PLCG2: variants seen among roughly 807,000 people sequenced by gnomAD.
PLCG2 encodes the protein 1-phosphatidylinositol 4,5-bisphosphate phosphodiesterase gamma-2.
Under a neutral mutation model 175.6 loss-of-function variants are expected in PLCG2, and 69 were observed. That is an observed-to-expected ratio of 0.39 (90% CI 0.32 to 0.48). The LOEUF (loss-of-function observed/expected upper bound fraction) is 0.48. Among genes scored for constraint, PLCG2 ranks in the 20% least tolerant of loss-of-function variants. PLCG2 has a pLI of 0.91. For synonymous variants in PLCG2, 827 were observed against 624.0 expected, an observed-to-expected ratio of 1.33 and a Z score of -4.85; for missense variants, 1,798 against 1,650.9, an observed-to-expected ratio of 1.09 and a Z score of -1.54.
chr16:81,752,200 A>G (rs1909826259), intron 1 of PLCG2, among the ~76,000 whole-genome samples: 1 of 152,078 alleles, frequency 6.6e-6, no homozygotes, highest in Admixed American at 6.6e-5. Context: ...TGCGTCTCAG[A>G]GTTCCCTGAT....
Position 81,962,645 on chromosome 16 carries a change from C to A in PLCG2, c.*4647C>A. 4.5e-6 allele frequency: 1 copy of A among 221,128 alleles called. No homozygotes were observed. Among genetic ancestry groups the A allele is most frequent in the Non-Finnish European group, 9.0e-6 (1 of 110,500 alleles). 13.7% of individuals were successfully genotyped at this position (221,128 alleles called of 1,614,324 possible). A position where few individuals can be genotyped will look rare whatever the true frequency, so the allele number is the denominator to read the frequency against. On this transcript the variant is annotated 3_prime_UTR_variant, in exon 33 of 33. Coordinates refer to ENST00000564138, the MANE Select transcript of PLCG2 (RefSeq NM_002661.5). Reference sequence around the variant, plus strand: ...TGTTGTTAATGTGAAAATTAAACAGCTGTATCACATTTTGAAAAATAAAAG... The same window carrying A: ...TGTTGTTAATGTGAAAATTAAACAGATGTATCACATTTTGAAAAATAAAAG...
intron 25 of PLCG2, 65 bp downstream of exon 25, chr16:81,931,719 G>T: frequency 6.8e-7 from 1 of 1,465,266 alleles, no homozygotes; most frequent in Non-Finnish European, 9.5e-7. Context: ...GCTCAGTTGG[G>T]ACTGTGGGTG....
intron 31 of PLCG2, among the ~76,000 whole-genome samples, chr16:81,951,074 A>C (rs1461651904): frequency 1.3e-5 from 2 of 152,032 alleles, no homozygotes; most frequent in African/African-American, 4.8e-5. Flanking sequence ...TGCAGCCTTG[A>C]CCTCCTGGGC....
chr16:81,819,369 A>G (rs1597336237), intron 2 of PLCG2, among the ~76,000 whole-genome samples: 1 of 151,946 alleles, frequency 6.6e-6, no homozygotes, highest in African/African-American at 2.4e-5. Flanking sequence ...TCTGGTACCA[A>G]CCCTGTGAGG....
chr16:81,953,597 C>T (rs1279521880), intron 31 of PLCG2, among the ~76,000 whole-genome samples: 1 of 152,108 alleles, frequency 6.6e-6, no homozygotes, highest in Non-Finnish European at 1.5e-5. Context: ...TCTAATAAAA[C>T]AAACTAAATT....
At chr16:81,806,855 G>A (rs1048764954) in intron 2 of PLCG2, among the ~76,000 whole-genome samples, 1 of 151,882 alleles carries the variant, frequency 6.6e-6, no homozygotes, top group Non-Finnish European at 1.5e-5. Flanking sequence ...ATGTTCTGGG[G>A]ATAGCCAGCC....
At chr16:81,763,495 G>T (rs999093108) in intron 2 of PLCG2, among the ~76,000 whole-genome samples, 2 of 152,360 alleles carry the variant, frequency 1.3e-5, no homozygotes, top group East Asian at 1.9e-4. Context: ...GGGCTGGGAA[G>T]ATGTGAGCAG....
chr16:81,789,297 C>T (rs1413959289), intron 2 of PLCG2, among the ~76,000 whole-genome samples: 1 of 152,198 alleles, frequency 6.6e-6, no homozygotes, highest in Non-Finnish European at 1.5e-5. Context: ...CGCTCTCTCG[C>T]TCTCTGTTTT....
chr16:81,927,303 G>A, intron 23 of PLCG2, 125 bp downstream of exon 23: 3 of 684,310 alleles, frequency 4.4e-6, no homozygotes, highest in Admixed American at 2.2e-5. Context: ...TGGAGCTCTG[G>A]ATCAGGGAAG....
intron 15 of PLCG2, chr16:81,906,423 T>C (rs1183644664): frequency 6.6e-6 from 1 of 152,228 alleles, no homozygotes; most frequent in Non-Finnish European, 1.5e-5. Context: ...GCAATATTTA[T>C]TTATTACTTA....
intron 13 of PLCG2, among the ~76,000 whole-genome samples, chr16:81,897,001 G>T (rs72820823): frequency 0.048 from 7,384 of 152,298 alleles, 226 homozygotes; most frequent in Non-Finnish European, 0.067. Flanking sequence ...AGATACAAAT[G>T]TTTCAGGCTT....
chr16:81,851,436 G>A (rs539387272), intron 2 of PLCG2, among the ~76,000 whole-genome samples: 17 of 152,228 alleles, frequency 1.1e-4, no homozygotes, highest in Admixed American at 1.0e-3. Flanking sequence ...CGTGTAGGTG[G>A]GTATGTCTAC....
At position 81,960,411 on chromosome 16, in the gene PLCG2, C is replaced by A. The variant is rs1911739859; in HGVS notation, c.*2413C>A. 8.9e-6 allele frequency: 2 copies of A among 225,294 alleles called. No individual in the cohort carries two copies. The highest frequency in any genetic ancestry group is 1.8e-5 in the Non-Finnish European group (2 of 113,194). The allele number at this position is 225,294 out of a possible 1,614,324, so 14.0% of individuals were successfully genotyped here. ...CAGCACTGATAGATCAAAACCACCACTGCATATGTATTACACTGTTTTTGT... is the reference window on the plus strand; with the variant it reads ...CAGCACTGATAGATCAAAACCACCAATGCATATGTATTACACTGTTTTTGT... On this transcript the variant is annotated 3_prime_UTR_variant, in exon 33 of 33. Transcript: ENST00000564138.
chr16:81,827,192 T>TC (rs202120968), intron 2 of PLCG2, among the ~76,000 whole-genome samples: 1 of 149,730 alleles, frequency 6.7e-6, no homozygotes, highest in African/African-American at 2.4e-5. Flanking sequence ...ATTGCTGGGT[T>TC]TTTTTTTTTT....
chr16:81,888,512 C>T (rs1189629414), intron 9 of PLCG2, among the ~76,000 whole-genome samples: 1 of 152,202 alleles, frequency 6.6e-6, no homozygotes, highest in Non-Finnish European at 1.5e-5. Context: ...ACTTTCTGTG[C>T]ACCAGGTGCT....
chr16:81,906,747 G>T (rs1379995962), intron 15 of PLCG2, among the ~76,000 whole-genome samples: 1 of 152,180 alleles, frequency 6.6e-6, no homozygotes, highest in South Asian at 2.1e-4. Flanking sequence ...TTTAAGTAAA[G>T]AATTAAGTTG....
intron 2 of PLCG2, among the ~76,000 whole-genome samples, chr16:81,799,621 CAG>C (rs1172574755): frequency 7.9e-6 from 1 of 127,226 alleles, no homozygotes; most frequent in African/African-American, 3.0e-5. Context: ...TTTTTTGAGA[CAG>C]AGTCTCGCTC....
chr16:81,791,482 C>T (rs187426940), intron 2 of PLCG2, among the ~76,000 whole-genome samples: 91 of 152,278 alleles, frequency 6.0e-4, no homozygotes, highest in African/African-American at 2.0e-3. Context: ...TTTGGTGTCA[C>T]CTCGCCTGGA....
In PLCG2 at chr16:81,832,100, A is replaced by C. The variant is rs1027996901; in HGVS notation, c.194-22344A>C. Among the ~76,000 whole-genome samples the C allele has an allele frequency of 3.2e-5, 4 of 126,538 alleles. No individual in the cohort carries two copies. The South Asian group carries it at 7.2e-4, about 23-fold the overall frequency. The allele number at this position is 126,538 out of a possible 152,430, so 83.0% of individuals were successfully genotyped here. On this transcript the variant is annotated intron_variant, in intron 2 of 32. Transcript: ENST00000564138. ...CCGGCCTCAGTCTTCTCCTTTGATA[A>C]ATGGAGGGGGGGAATAGTGATATTG...
Sources: gnomAD v4.1 joint callset for allele counts (sites outside exome capture counted in the v4.1 genomes callset) on GRCh38, gnomAD v4.1.1 for gene constraint, MANE v1.5 for transcripts, NCBI Gene and HGNC (gene_info 2026-07-23, HGNC 2026-07-21) for gene names.